The following UBE3C variants were observed in gnomAD, a reference collection of about 807,000 sequenced individuals.
The protein encoded by UBE3C is ubiquitin protein ligase E3C.
UBE3C carries 42 observed loss-of-function variants against 129.4 expected under a neutral mutation model. That is an observed-to-expected ratio of 0.32 (90% CI 0.25 to 0.42). The LOEUF is 0.42. UBE3C is among the 10% of genes least tolerant of loss of function. The pLI is 1.00. For synonymous variants in UBE3C, 510 were observed against 492.4 expected (o/e 1.04, Z -0.47); for missense variants, 1,049 against 1,319.1 (o/e 0.80, Z 3.17).
At chr7:157,247,926 C>A (rs1388182350) in intron 18 of UBE3C, among the ~76,000 whole-genome samples, 2 of 152,132 alleles carry the variant, frequency 1.3e-5, no homozygotes, top group Non-Finnish European at 2.9e-5. Context: ...AGCTGCGAGG[C>A]CTTGTTTGGA....
At chr7:157,190,708 C>T (rs1808937383) in intron 10 of UBE3C, among the ~76,000 whole-genome samples, 1 of 151,826 alleles carries the variant, frequency 6.6e-6, no homozygotes, top group South Asian at 2.1e-4. Flanking sequence ...ACAGTGTAGA[C>T]TCCCTTTGCT....
At chr7:157,215,282 C>G (rs1283584929) in intron 13 of UBE3C, among the ~76,000 whole-genome samples, 1 of 152,010 alleles carries the variant, frequency 6.6e-6, no homozygotes, top group Non-Finnish European at 1.5e-5. Context: ...TACCCTTCCC[C>G]TTTTTTCTTG....
At chr7:157,227,885 A>G (rs1207266263) in intron 17 of UBE3C, among the ~76,000 whole-genome samples, 1 of 152,224 alleles carries the variant, frequency 6.6e-6, no homozygotes, top group Non-Finnish European at 1.5e-5. Flanking sequence ...GAATCTTCTC[A>G]TATTGTTTAT....
chr7:157,181,686 G>T lies in UBE3C; in HGVS notation c.770+15G>T. Reference sequence around the variant, plus strand: ...GAAGGTGCGAGGTGAGACTGGAATGGATTTATTGATTTTGTCCTTTCACAA... The same window carrying T: ...GAAGGTGCGAGGTGAGACTGGAATGTATTTATTGATTTTGTCCTTTCACAA... On this transcript the variant is annotated intron_variant, in intron 7 of 22. Transcript: ENST00000348165. 6.2e-7 allele frequency: 1 copy of T among 1,609,066 alleles called. No homozygotes were observed. Among genetic ancestry groups the T allele is most frequent in the South Asian group, 1.1e-5 (1 of 89,394 alleles).
At chr7:157,186,186 G>A (rs1057392295) in intron 9 of UBE3C, among the ~76,000 whole-genome samples, 1 of 152,116 alleles carries the variant, frequency 6.6e-6, no homozygotes, top group Non-Finnish European at 1.5e-5. Context: ...CACTTGGGAA[G>A]GCTGAGGCAG....
intron 15 of UBE3C, chr7:157,222,642 CA>C (rs1433233473): frequency 6.6e-6 from 1 of 152,178 alleles, no homozygotes; most frequent in Non-Finnish European, 1.5e-5. Flanking sequence ...CTCAGTTTCT[CA>C]AACTCCTGAG....
Position 157,201,730 on chromosome 7 carries a change from C to T in UBE3C, c.1341C>T (p.Tyr447=). The change falls in exon 11 of 23, where the codon TAC becomes TAT. Residue 447 remains tyrosine, a synonymous_variant. Transcript: ENST00000348165. ...TCCTATTCCTTTTTAGGCTTCTCTA[C>T]AGTTTAGCCTTTAATGCCAGGTTTC... is the stretch of plus-strand genomic sequence containing the variant. ...RMMVPKVRLL[Y]SLAFNARFLR... The T allele has an allele frequency of 6.6e-7, 1 of 1,519,814 alleles. No individual in the cohort carries two copies. The highest frequency in any genetic ancestry group is 8.9e-7 in the Non-Finnish European group (1 of 1,125,770). The allele number at this position is 1,519,814 out of a possible 1,614,324, so 94.1% of individuals were successfully genotyped here.
At chr7:157,179,435 C>T (rs1808611155) in intron 6 of UBE3C, among the ~76,000 whole-genome samples, 2 of 152,152 alleles carry the variant, frequency 1.3e-5, no homozygotes, top group Admixed American at 1.3e-4. Flanking sequence ...AGAAGCTATA[C>T]TGAACTGCAT....
chr7:157,139,769 A>G (rs1273575777), intron 1 of UBE3C, among the ~76,000 whole-genome samples: 1 of 152,192 alleles, frequency 6.6e-6, no homozygotes, highest in South Asian at 2.1e-4. Context: ...TGCGCTTTCC[A>G]TGCTCGCTCC....
intron 15 of UBE3C, chr7:157,221,895 G>A (rs2116614724): frequency 6.6e-6 from 1 of 152,198 alleles, no homozygotes; most frequent in Non-Finnish European, 1.5e-5. Flanking sequence ...TTTGGAGACA[G>A]GGTCTCACTG....
At chr7:157,253,807 T>C in intron 19 of UBE3C, 147 bp from the exon 20 acceptor site, 2 of 740,694 alleles carry the variant, frequency 2.7e-6, no homozygotes, top group Non-Finnish European at 4.2e-6. Context: ...TGCACAATGC[T>C]GTGCATACTC....
intron 11 of UBE3C, among the ~76,000 whole-genome samples, chr7:157,205,441 A>C (rs1229086345): frequency 6.6e-6 from 1 of 152,162 alleles, no homozygotes; most frequent in Non-Finnish European, 1.5e-5. Context: ...TAACAGTACA[A>C]GTACAAGGAT....
chr7:157,212,205 G>GA (rs762015826), intron 13 of UBE3C, among the ~76,000 whole-genome samples: 48 of 145,412 alleles, frequency 3.3e-4, no homozygotes, highest in South Asian at 2.4e-3. Context: ...ACTGTAGAAA[G>GA]AAAAAAAAAA....
chr7:157,170,017 G>A (rs1251528891), intron 3 of UBE3C, among the ~76,000 whole-genome samples: 1 of 151,444 alleles, frequency 6.6e-6, no homozygotes, highest in South Asian at 2.1e-4. Flanking sequence ...ATGGGGTTTC[G>A]CCATGTTGGG....
At chr7:157,210,732 C>G (rs1478619253) in intron 13 of UBE3C, among the ~76,000 whole-genome samples, 1 of 152,244 alleles carries the variant, frequency 6.6e-6, no homozygotes, top group Non-Finnish European at 1.5e-5. Flanking sequence ...CCCATGATCT[C>G]CTGCCTTCCA....
intron 21 of UBE3C, among the ~76,000 whole-genome samples, chr7:157,255,560 C>A (rs922929478): frequency 6.6e-6 from 1 of 152,146 alleles, no homozygotes; most frequent in Non-Finnish European, 1.5e-5. Flanking sequence ...ATCAGTCTGA[C>A]CTTTCCTTTG....
chr7:157,194,405 A>G (rs1380975680), intron 10 of UBE3C, among the ~76,000 whole-genome samples: 1 of 152,236 alleles, frequency 6.6e-6, no homozygotes, highest in East Asian at 1.9e-4. Context: ...AAAGGTGAAT[A>G]TTCCAAATCT....
At chr7:157,141,911 G>C (rs1807463605) in intron 1 of UBE3C, among the ~76,000 whole-genome samples, 1 of 152,192 alleles carries the variant, frequency 6.6e-6, no homozygotes, top group Admixed American at 6.5e-5. Context: ...TGCTGTGTGT[G>C]CCTTTTGGTG....
chr7:157,155,494 A>C (rs1309452033), intron 1 of UBE3C, among the ~76,000 whole-genome samples: 1 of 152,210 alleles, frequency 6.6e-6, no homozygotes, highest in East Asian at 1.9e-4. Flanking sequence ...TTAGCAGTTA[A>C]TTTGGGCATG....
Sources: allele counts gnomAD v4.1 joint callset (sites outside exome capture counted in the v4.1 genomes callset), GRCh38; gene constraint gnomAD v4.1.1; transcripts MANE v1.5; gene names NCBI Gene and HGNC (gene_info 2026-07-23, HGNC 2026-07-21).